The following TENM3 variants were observed in gnomAD, a reference collection of about 807,000 sequenced individuals.
TENM3 encodes the protein teneurin-3.
TENM3 carries 63 observed loss-of-function variants against 255.1 expected under a neutral mutation model. The observed-to-expected ratio is 0.25, with a 90% CI of 0.20 to 0.30. The LOEUF is 0.30. Among genes scored for constraint, TENM3 ranks in the 10% least tolerant of loss-of-function variants. The probability of loss-of-function intolerance (pLI) is 1.00; values close to 1 mark genes in which losing one functional copy is unlikely to be tolerated. For missense variants in TENM3, 2,929 were observed against 3,461.1 expected (o/e 0.85, Z 3.86); for synonymous variants, 1,306 against 1,322.3 (o/e 0.99, Z 0.27).
At chr4:182,480,313 T>G (rs1224791935) in intron 3 of TENM3, among the ~76,000 whole-genome samples, 1 of 152,076 alleles carries the variant, frequency 6.6e-6, no homozygotes, top group Non-Finnish European at 1.5e-5. Flanking sequence ...TAGCAAGATA[T>G]CTTAAGTTTC....
intron 3 of TENM3, among the ~76,000 whole-genome samples, chr4:182,554,872 T>A (rs935180402): frequency 2.0e-5 from 3 of 151,812 alleles, no homozygotes; most frequent in African/African-American, 7.3e-5. Context: ...CGTTTCCTTT[T>A]AAGCTTTTTT....
chr4:182,596,372 G>A (rs969716186), intron 3 of TENM3, among the ~76,000 whole-genome samples: 5 of 152,126 alleles, frequency 3.3e-5, no homozygotes, highest in African/African-American at 9.7e-5. Context: ...AATCCTGCCC[G>A]TAGGGAGCTG....
chr4:182,698,712 C>T (rs951972815), intron 12 of TENM3, among the ~76,000 whole-genome samples: 28 of 152,206 alleles, frequency 1.8e-4, no homozygotes, highest in African/African-American at 5.8e-4. Context: ...CCTCTTTCTC[C>T]ACCCTATCCT....
chr4:181,997,603 T>G, the TENM3 span, among the ~76,000 whole-genome samples: 1 of 152,214 alleles, frequency 6.6e-6, no homozygotes, highest in Admixed American at 6.5e-5. Flanking sequence ...AACATGGTAG[T>G]AAAGAGTAAA....
chr4:181,914,310 T>A, the TENM3 span, among the ~76,000 whole-genome samples: 1 of 152,168 alleles, frequency 6.6e-6, no homozygotes. Flanking sequence ...AAATACCTCC[T>A]AATCTCTACC....
chr4:182,015,585 G>C, the TENM3 span, among the ~76,000 whole-genome samples: 626 of 132,226 alleles, frequency 4.7e-3, 2 homozygotes, highest in Non-Finnish European at 7.9e-3. Context: ...TTTTTAGACA[G>C]GGTCTCACTC....
the TENM3 span, among the ~76,000 whole-genome samples, chr4:181,563,464 T>C: frequency 6.6e-6 from 1 of 152,200 alleles, no homozygotes. Context: ...TATTCTACTT[T>C]CAAATAAGTT....
chr4:181,608,111 T>G, the TENM3 span, among the ~76,000 whole-genome samples: 1 of 152,198 alleles, frequency 6.6e-6, no homozygotes, highest in African/African-American at 2.4e-5. Flanking sequence ...TAGTAAGCTA[T>G]TTAGATTTTA....
the TENM3 span, among the ~76,000 whole-genome samples, chr4:181,814,587 CGTGTGTGT>C: frequency 6.7e-6 from 1 of 149,390 alleles, no homozygotes; most frequent in Admixed American, 6.7e-5. Context: ...TTTTTAAATG[CGTGTGTGT>C]GTGTGTGTGT....
At chr4:182,600,897 C>G in intron 3 of TENM3, 27 bp from the exon 4 acceptor site, 1 of 492,982 alleles carries the variant, frequency 2.0e-6, no homozygotes, top group Non-Finnish European at 3.2e-6. Flanking sequence ...AGTTCTCTTT[C>G]TTTTTTTTTT....
intron 3 of TENM3, among the ~76,000 whole-genome samples, chr4:182,426,384 A>G (rs190040431): frequency 2.0e-5 from 3 of 152,310 alleles, no homozygotes; most frequent in African/African-American, 7.2e-5. Context: ...TCTAAAATCA[A>G]AGAAACAACC....
At position 182,161,284 on chromosome 4, in the gene TENM3, C is replaced by T. The variant is rs1411434441; in HGVS notation, c.-76+16530C>T. On this transcript the variant is annotated intron_variant, in intron 1 of 2. Transcript: ENST00000512480. ...ACAAAAAATTAGCCGGGCGTGGTGG[C>T]GGGCGCCTGTAGTCCCAGCTACTCG... Among the ~76,000 whole-genome samples, 134 of 136,052 alleles carry T rather than the reference C, an allele frequency of 9.8e-4. 8 individuals are homozygous for T. The highest frequency in any genetic ancestry group is 2.9e-3 in the African/African-American group (106 of 36,578). The allele number at this position is 136,052 out of a possible 152,430, so 89.3% of individuals were successfully genotyped here.
rs1739933756 is a variant in TENM3, at chr4:182,533,075, G to C, written c.512-67849G>C. On this transcript the variant is annotated intron_variant, in intron 3 of 27. Transcript: ENST00000511685. ...TCCCTAAGTGCTTGAGCACTAAAGAGAGTTGTGCCTCATGGCATTGTAGCA... is the reference window on the plus strand; with the variant it reads ...TCCCTAAGTGCTTGAGCACTAAAGACAGTTGTGCCTCATGGCATTGTAGCA... Among the ~76,000 whole-genome samples the C allele has an allele frequency of 2.0e-5, 3 of 152,200 alleles. No homozygotes were observed. The South Asian group carries it at 6.2e-4, about 32-fold the overall frequency.
chr4:181,486,136 C>T, the TENM3 span, among the ~76,000 whole-genome samples: 1 of 152,150 alleles, frequency 6.6e-6, no homozygotes, highest in Non-Finnish European at 1.5e-5. Flanking sequence ...ACCACCTTGA[C>T]AATACACCAA....
chr4:181,467,701 G>A, the TENM3 span, among the ~76,000 whole-genome samples: 62 of 152,036 alleles, frequency 4.1e-4, no homozygotes, highest in African/African-American at 1.4e-3. Flanking sequence ...TGCCTGAGTC[G>A]AAAGGAACAG....
At chr4:182,685,866 C>G (rs997912342) in intron 11 of TENM3, among the ~76,000 whole-genome samples, 11 of 151,962 alleles carry the variant, frequency 7.2e-5, no homozygotes, top group African/African-American at 2.4e-4. Flanking sequence ...TAGTTTGTAA[C>G]TGATACTAAA....
At chr4:181,842,400 C>G in the TENM3 span, among the ~76,000 whole-genome samples, 5 of 152,288 alleles carry the variant, frequency 3.3e-5, no homozygotes, top group South Asian at 8.3e-4. Context: ...TTAATTCATT[C>G]TCTTCTTTTA....
Position 182,462,588 on chromosome 4 carries a change from A to C in TENM3, c.511+115659A>C, listed in dbSNP as rs79273671. Among the ~76,000 whole-genome samples, 441 of 151,962 alleles carry C rather than the reference A, an allele frequency of 2.9e-3. 5 individuals carry two copies. The East Asian group carries it at 0.05, about 17-fold the overall frequency. ...TTAGTTCAAGTTCTTATGGCATTAC[A>C]AATATGTAGTTAAAACTGTTTTTGT... On this transcript the variant is annotated intron_variant, in intron 3 of 27. Coordinates refer to ENST00000511685, the MANE Select transcript of TENM3 (RefSeq NM_001080477.4).
At chr4:181,522,100 CAAAAAAAAAA>C in the TENM3 span, among the ~76,000 whole-genome samples, 734 of 54,726 alleles carry the variant, frequency 0.013, 9 homozygotes, top group African/African-American at 0.055. Context: ...GACTCCGTCT[CAAAAAAAAAA>C]AAAAAAAAAA....
Sources: gnomAD v4.1 joint callset for allele counts (sites outside exome capture counted in the v4.1 genomes callset) on GRCh38, gnomAD v4.1.1 for gene constraint, MANE v1.5 for transcripts, NCBI Gene and HGNC (gene_info 2026-07-23, HGNC 2026-07-21) for gene names.